EDAR: variants seen among roughly 807,000 people sequenced by gnomAD.
EDAR encodes the protein tumor necrosis factor receptor superfamily member EDAR.
EDAR carries 38 observed loss-of-function variants against 51.3 expected under a neutral mutation model. The ratio of observed to expected loss-of-function variants is 0.74; its 90% confidence interval spans 0.57 to 0.97. The LOEUF is 0.97. Among genes scored for constraint, EDAR ranks in the 50% least tolerant of loss-of-function variants. EDAR has a pLI of 0.00. For synonymous variants in EDAR, 227 were observed against 242.1 expected (o/e 0.94, Z 0.58); for missense variants, 528 against 595.0 (o/e 0.89, Z 1.17).
intron 5 of EDAR, among the ~76,000 whole-genome samples, chr2:108,917,397 C>T (rs1697047515): frequency 5.9e-5 from 9 of 152,084 alleles, no homozygotes; most frequent in Admixed American, 5.9e-4. Flanking sequence ...CTCACAGCTA[C>T]AAGAGAGGAT....
Position 108,929,373 on chromosome 2 carries a change from C to T in EDAR, c.181G>A (p.Gly61Ser). Residue 61 changes from glycine to serine, a missense_variant, in exon 4 of 12, where the codon GGC becomes AGC. By Grantham distance (56) the Gly-to-Ser change is moderately conservative (BLOSUM62 0). Transcript: ENST00000258443. ...TAGTCCTCGTCTTTGGTGCCGTAGC[C>T]ACAGGACTGTCCAGGGAAAGAGGAC... is the stretch of plus-strand genomic sequence containing the variant. Reference protein sequence around the residue: ...GPGEEPYLSCGYGTKDEDYGC... With the variant: ...GPGEEPYLSCSYGTKDEDYGC... 1 of 1,614,084 alleles carries T rather than the reference C, an allele frequency of 6.2e-7. No individual in the cohort carries two copies.
chr2:108,972,583 C>T (rs1399794870), intron 1 of EDAR, among the ~76,000 whole-genome samples: 5 of 152,236 alleles, frequency 3.3e-5, no homozygotes, highest in African/African-American at 1.2e-4. Flanking sequence ...TGGTGCCTTG[C>T]CCTGCACGCC....
chr2:108,925,209 G>T (rs1697229813), intron 4 of EDAR, among the ~76,000 whole-genome samples: 1 of 152,064 alleles, frequency 6.6e-6, no homozygotes, highest in South Asian at 2.1e-4. Context: ...TGGACCTTGT[G>T]CTAGGTACTA....
At chr2:108,897,553 C>T (rs1243646175) in intron 11 of EDAR, among the ~76,000 whole-genome samples, 4 of 152,270 alleles carry the variant, frequency 2.6e-5, no homozygotes, top group East Asian at 3.9e-4. Context: ...GACAAGTTAT[C>T]CTTAGTTGGG....
At chr2:108,975,787 G>A in intron 1 of EDAR, among the ~76,000 whole-genome samples, 1 of 152,168 alleles carries the variant, frequency 6.6e-6, no homozygotes, top group East Asian at 1.9e-4. Context: ...GCTCCGTGCG[G>A]CATCAGGATG....
chr2:108,930,083 G>A (rs1271024103), intron 3 of EDAR, 37 bp downstream of exon 3: 2 of 1,598,828 alleles, frequency 1.3e-6, no homozygotes, highest in African/African-American at 2.7e-5. Context: ...GGCCTCCCCT[G>A]AGAGCGCACC....
intron 1 of EDAR, among the ~76,000 whole-genome samples, chr2:108,949,155 A>G (rs1265709046): frequency 6.6e-6 from 1 of 151,682 alleles, no homozygotes; most frequent in Non-Finnish European, 1.5e-5. Context: ...TTTTTTTTGT[A>G]GTTTTTTGTA....
chr2:108,939,331 C>T (rs1279832641), intron 1 of EDAR, among the ~76,000 whole-genome samples: 3 of 152,192 alleles, frequency 2.0e-5, no homozygotes, highest in Admixed American at 2.0e-4. Context: ...GGACTACAGG[C>T]GTGCGCCACC....
intron 11 of EDAR, among the ~76,000 whole-genome samples, chr2:108,901,674 A>T (rs1696701389): frequency 6.6e-6 from 1 of 152,204 alleles, no homozygotes; most frequent in African/African-American, 2.4e-5. Flanking sequence ...TGCAACTTTA[A>T]CTCTACACAT....
chr2:108,925,379 A>G (rs1189308433), intron 4 of EDAR, among the ~76,000 whole-genome samples: 2 of 152,198 alleles, frequency 1.3e-5, no homozygotes, highest in Non-Finnish European at 2.9e-5. Flanking sequence ...TCATGGGTAA[A>G]GCTCCAAGGC....
chr2:108,944,938 G>C (rs977348330), intron 1 of EDAR, among the ~76,000 whole-genome samples: 8 of 152,288 alleles, frequency 5.3e-5, no homozygotes, highest in East Asian at 1.9e-4. Context: ...GAAGGCCTAG[G>C]GTGTCCCTGC....
intron 1 of EDAR, among the ~76,000 whole-genome samples, chr2:108,985,659 G>T (rs1164080109): frequency 1.3e-5 from 2 of 152,176 alleles, no homozygotes; most frequent in African/African-American, 2.4e-5. Flanking sequence ...CCTTCCTGGG[G>T]TCCAAACAGT....
intron 1 of EDAR, among the ~76,000 whole-genome samples, chr2:108,965,761 G>C (rs368233304): frequency 3.3e-5 from 5 of 152,016 alleles, no homozygotes; most frequent in Admixed American, 6.6e-5. Context: ...ATGTGGTGGT[G>C]GGGGGCTGGG....
At position 108,962,767 on chromosome 2, in the gene EDAR, C is replaced by T. The variant is rs116552880; in HGVS notation, c.-19+26193G>A. 6.1e-3 allele frequency among the ~76,000 whole-genome samples: 919 copies of T among 151,810 alleles called. 12 individuals carry two copies. The highest frequency in any genetic ancestry group is 0.021 in the African/African-American group (877 of 41,312). ...CCAACTCTTCCTGGCATGACACCAT[C>T]GCACACACACCCTTTTCAAAACCAA... On this transcript the variant is annotated intron_variant, in intron 1 of 11. Coordinates refer to ENST00000258443, the MANE Select transcript of EDAR (RefSeq NM_022336.4).
At chr2:108,916,400 G>A (rs1343281874) in intron 5 of EDAR, among the ~76,000 whole-genome samples, 8 of 152,120 alleles carry the variant, frequency 5.3e-5, no homozygotes, top group African/African-American at 1.4e-4. Flanking sequence ...GGCAATAAAC[G>A]CAGCCTAGAG....
chr2:108,905,772 C>T (rs992932047), intron 11 of EDAR, among the ~76,000 whole-genome samples: 4 of 152,184 alleles, frequency 2.6e-5, no homozygotes, highest in African/African-American at 7.2e-5. Flanking sequence ...GCAGCACTGA[C>T]GGTCCTATCC....
intron 1 of EDAR, among the ~76,000 whole-genome samples, chr2:108,947,651 G>A (rs1454625194): frequency 6.6e-6 from 1 of 152,202 alleles, no homozygotes; most frequent in Admixed American, 6.5e-5. Flanking sequence ...TGAAGCAATG[G>A]CCTGAGCTGT....
At chr2:108,937,652 GTGTA>G (rs1697501063) in intron 1 of EDAR, among the ~76,000 whole-genome samples, 1 of 151,788 alleles carries the variant, frequency 6.6e-6, no homozygotes, top group African/African-American at 2.4e-5. Context: ...GTGTGTATAT[GTGTA>G]TGTTTATATG....
intron 5 of EDAR, among the ~76,000 whole-genome samples, chr2:108,918,253 C>A (rs1418217544): frequency 6.6e-6 from 1 of 152,200 alleles, no homozygotes; most frequent in Admixed American, 6.5e-5. Flanking sequence ...ACCCCCTGCA[C>A]CTGCACCCAA....
Sources: gnomAD v4.1 joint callset for allele counts (sites outside exome capture counted in the v4.1 genomes callset) on GRCh38, gnomAD v4.1.1 for gene constraint, MANE v1.5 for transcripts, NCBI Gene and HGNC (gene_info 2026-07-23, HGNC 2026-07-21) for gene names.